TSC22D4: variants seen among roughly 807,000 people sequenced by gnomAD.
The protein encoded by TSC22D4 is TSC22 domain family member 4.
In TSC22D4, 5 loss-of-function variants were observed where a neutral mutation model predicts 24.9. The ratio of observed to expected loss-of-function variants is 0.20; its 90% CI spans 0.10 to 0.42. TSC22D4 has a LOEUF of 0.42. Ranked by LOEUF, TSC22D4 falls within the 10% of genes least tolerant of loss-of-function variation. The pLI is 1.00. For synonymous variants in TSC22D4, 245 were observed against 243.2 expected (o/e 1.01, Z -0.07); for missense variants, 469 against 547.9 (o/e 0.86, Z 1.44).
In TSC22D4 at chr7:100,475,216, C is replaced by T. The variant is rs376733849; in HGVS notation, c.763-776G>A. ...CTCCTGCCTCAGCCTCCTGAGTAGCCGGGACTACCGGCACCTGCCATCACA... is the reference window on the plus strand; with the variant it reads ...CTCCTGCCTCAGCCTCCTGAGTAGCTGGGACTACCGGCACCTGCCATCACA... On this transcript the variant is annotated intron_variant, in intron 2 of 4. Transcript: ENST00000300181. 3.0e-4 allele frequency among the ~76,000 whole-genome samples: 45 copies of T among 152,248 alleles called. No homozygotes were observed. In the South Asian group the frequency reaches 8.5e-3, roughly 29 times the overall value.
intron 4 of TSC22D4, 67 bp from the exon 5 acceptor site, chr7:100,467,235 G>A (rs748252117): frequency 2.0e-6 from 3 of 1,514,672 alleles, no homozygotes; most frequent in Non-Finnish European, 1.8e-6. Context: ...AGTGCCTTGA[G>A]GGCTGGGGTG....
At chr7:100,470,726 C>T (rs879365784) in intron 3 of TSC22D4, among the ~76,000 whole-genome samples, 10 of 152,076 alleles carry the variant, frequency 6.6e-5, no homozygotes, top group African/African-American at 1.4e-4. Flanking sequence ...TGACAGGGTC[C>T]GGGGGAGGAA....
At position 100,477,448 on chromosome 7, in the gene TSC22D4, C is replaced by A; in HGVS notation, c.591G>T (p.Glu197Asp). 3 of 1,566,932 alleles carry A rather than the reference C, an allele frequency of 1.9e-6. No individual in the cohort carries two copies. The highest frequency in any genetic ancestry group is 2.6e-6 in the Non-Finnish European group (3 of 1,157,228). ...TGCCCGCACTCTCACCGGTCTCAGG[C>A]TCTGGGGGGCGCTGCTGGGGTGAGG... ...SASSPQQRPP[E>D]PETGESAGTS... is the part of the protein sequence containing the mutation. The change falls in exon 2 of 5, where the codon GAG (glutamate) becomes GAT (aspartate). Residue 197 changes from glutamate (E) to aspartate (D), a missense_variant. Coordinates refer to ENST00000300181, the MANE Select transcript of TSC22D4 (RefSeq NM_030935.5). This position sits in a 1 kb window ranked among gnomAD's most constrained non-coding sequence, Gnocchi z 7.8.
Position 100,474,591 on chromosome 7 carries a change from C to T in TSC22D4, c.763-151G>A, listed in dbSNP as rs1022290060. On this transcript the variant is annotated intron_variant, in intron 2 of 4. Transcript: ENST00000300181. The surrounding 1 kb of genome is among the most constrained non-coding windows in gnomAD (Gnocchi z 4.3). Reference sequence around the variant, plus strand: ...CTGTCCCCGCAGTCCTTCCCTCCTCCAGCTCTGGAGAAGGCATTAGGCAGG... The same window carrying T: ...CTGTCCCCGCAGTCCTTCCCTCCTCTAGCTCTGGAGAAGGCATTAGGCAGG... 48 of 912,784 alleles carry T rather than the reference C, an allele frequency of 5.3e-5. No homozygotes were observed. In the African/African-American group the frequency reaches 6.9e-4, roughly 13 times the overall value. 56.5% of individuals were successfully genotyped at this position (912,784 alleles called of 1,614,324 possible).
chr7:100,472,905 C>T (rs1304546796), intron 3 of TSC22D4, among the ~76,000 whole-genome samples: 1 of 152,114 alleles, frequency 6.6e-6, no homozygotes, highest in Non-Finnish European at 1.5e-5. Flanking sequence ...GTCCCTCAGG[C>T]ACCCACTCAC....
intron 2 of TSC22D4, among the ~76,000 whole-genome samples, chr7:100,476,540 T>C (rs1036144761): frequency 6.6e-6 from 1 of 152,156 alleles, no homozygotes; most frequent in Non-Finnish European, 1.5e-5. Flanking sequence ...GGCTTGTTCC[T>C]CTTTTGGAGA....
At chr7:100,467,974 C>A in intron 3 of TSC22D4, 2 of 495,816 alleles carry the variant, frequency 4.0e-6, no homozygotes, top group Non-Finnish European at 8.2e-6. Context: ...AGACACCCCC[C>A]CAATGGAGAG....
chr7:100,467,213 C>T, intron 4 of TSC22D4, 45 bp from the exon 5 acceptor site: 1 of 1,591,504 alleles, frequency 6.3e-7, no homozygotes, highest in Non-Finnish European at 8.6e-7. Context: ...GTGGGTGCCT[C>T]ATCCCCTGCC....
intron 3 of TSC22D4, chr7:100,467,913 G>A: frequency 3.5e-6 from 2 of 570,180 alleles, no homozygotes; most frequent in Middle Eastern, 2.7e-4. Context: ...ACGACACCAG[G>A]GACTTGACAG....
chr7:100,474,360 G>A lies in TSC22D4; in HGVS notation c.843C>T (p.Asp281=). 1.9e-6 allele frequency: 3 copies of A among 1,614,144 alleles called. No homozygotes were observed. The highest frequency in any genetic ancestry group is 1.6e-4 in the Middle Eastern group (1 of 6,062). ...TCTGAGCTGCTACTGCTCCGAAGGG[G>A]TCTGGAGATTTGTGAACCAGGCTGG... ...HDASLVHKSP[D]PFGAVAAQKF... Residue 281 remains aspartate (D), a synonymous_variant, in exon 3 of 5, where the codon GAC becomes GAT. Coordinates refer to ENST00000300181, the MANE Select transcript of TSC22D4 (RefSeq NM_030935.5). This position sits in a 1 kb window ranked among gnomAD's most constrained non-coding sequence, Gnocchi z 4.3.
chr7:100,473,770 T>A (rs559124447), intron 3 of TSC22D4: 6,205 of 129,298 alleles, frequency 0.048, 231 homozygotes, highest in African/African-American at 0.12. Context: ...ATATATATAT[T>A]TTTTTTTTCT....
chr7:100,468,915 C>T (rs1012713481), intron 3 of TSC22D4, among the ~76,000 whole-genome samples: 4 of 147,030 alleles, frequency 2.7e-5, no homozygotes, highest in Non-Finnish European at 4.5e-5. Context: ...CCAGCCTGGA[C>T]GACAGAGTGA....
rs1182636968 is a variant in TSC22D4 at position 100,473,989 on chromosome 7, G to C, written c.929+285C>G. 5 of 359,478 alleles carry C rather than the reference G, an allele frequency of 1.4e-5. No homozygotes were observed. In the East Asian group the frequency reaches 2.7e-4, roughly 19 times the overall value. 22.3% of individuals were successfully genotyped at this position (359,478 alleles called of 1,614,324 possible). A position where few individuals can be genotyped will look rare whatever the true frequency, so the allele number is the denominator to read the frequency against. ...GGTTGGCCAGATGATCTCTAAATCT[G>C]CAAGAGCTCTGGAATCTGACAACAA... is the stretch of plus-strand genomic sequence containing the variant. On this transcript the variant is annotated intron_variant, in intron 3 of 4. Transcript: ENST00000300181.
chr7:100,468,345 T>C (rs553573939), intron 3 of TSC22D4, among the ~76,000 whole-genome samples: 2 of 151,604 alleles, frequency 1.3e-5, no homozygotes, highest in Admixed American at 6.6e-5. Flanking sequence ...GTGAAGGGTG[T>C]GAAGGGAGAG....
chr7:100,472,380 C>T (rs949697465), intron 3 of TSC22D4, among the ~76,000 whole-genome samples: 1 of 122,116 alleles, frequency 8.2e-6, no homozygotes, highest in East Asian at 2.7e-4. Context: ...GGCTGGGAAC[C>T]GGACCGGTCA....
chr7:100,476,461 G>A (rs983299566), intron 2 of TSC22D4, among the ~76,000 whole-genome samples: 1 of 152,186 alleles, frequency 6.6e-6, no homozygotes, highest in African/African-American at 2.4e-5. Context: ...CAGGACAGAA[G>A]TATCCAACCT....
rs1036221860 is a variant in TSC22D4, at chr7:100,477,024, C to T, written c.762+253G>A. 6.6e-6 allele frequency among the ~76,000 whole-genome samples: 1 copy of T among 152,038 alleles called. No individual in the cohort carries two copies. Among genetic ancestry groups the T allele is most frequent in the East Asian group, 1.9e-4 (1 of 5,186 alleles). ...AGGGGGCCACATATGCTACAGGCTA[C>T]ATGAAGACCAAGACAGAGAATCAGA... On this transcript the variant is annotated intron_variant, in intron 2 of 4. Coordinates refer to ENST00000300181, the MANE Select transcript of TSC22D4 (RefSeq NM_030935.5). This position sits in a 1 kb window ranked among gnomAD's most constrained non-coding sequence, Gnocchi z 7.8.
intron 3 of TSC22D4, among the ~76,000 whole-genome samples, chr7:100,468,553 G>C (rs1012444104): frequency 1.3e-5 from 2 of 152,194 alleles, no homozygotes; most frequent in Admixed American, 6.5e-5. Flanking sequence ...CCTGGGATCT[G>C]GCCAGAGGGT....
Position 100,466,901 on chromosome 7 carries a change from G to C in TSC22D4, c.*58C>G. The C allele has an allele frequency of 6.9e-7, 1 of 1,439,832 alleles. No homozygotes were observed. Among genetic ancestry groups the C allele is most frequent in the Non-Finnish European group, 9.3e-7 (1 of 1,075,804 alleles). The allele number at this position is 1,439,832 out of a possible 1,614,324, so 89.2% of individuals were successfully genotyped here. A position where few individuals can be genotyped will look rare whatever the true frequency, so the allele number is the denominator to read the frequency against. On this transcript the variant is annotated 3_prime_UTR_variant, in exon 5 of 5. Transcript: ENST00000300181. The stretch of plus-strand genomic sequence containing the variant: ...CATTAAAGCTGCATAGGAAGAGGGG[G>C]CAGGCGGCTGACGCAAGGCCGGGCA...
Sources: gnomAD v4.1 joint callset for allele counts (sites outside exome capture counted in the v4.1 genomes callset) on GRCh38, gnomAD v4.1.1 for gene constraint, Gnocchi (gnomAD v3.1) non-coding constraint, MANE v1.5 for transcripts, NCBI Gene and HGNC (gene_info 2026-07-23, HGNC 2026-07-21) for gene names.